SIPA1L3: variants seen among roughly 807,000 people sequenced by gnomAD.
The protein encoded by SIPA1L3 is signal-induced proliferation-associated 1-like protein 3.
A neutral mutation model predicts 150.1 loss-of-function variants in SIPA1L3; 59 were observed. The observed-to-expected ratio is 0.39, with a 90% CI of 0.32 to 0.49. The LOEUF is 0.49. Among genes scored for constraint, SIPA1L3 ranks in the 20% least tolerant of loss-of-function variants. The probability of loss-of-function intolerance (pLI) is 0.86; values close to 1 mark genes in which losing one functional copy is unlikely to be tolerated. For synonymous variants in SIPA1L3, 1,070 were observed against 1,077.6 expected (o/e 0.99, Z 0.14); for missense variants, 2,211 against 2,489.5 (o/e 0.89, Z 2.38).
chr19:38,148,056 A>G (rs1971738350), intron 12 of SIPA1L3, among the ~76,000 whole-genome samples: 1 of 151,316 alleles, frequency 6.6e-6, no homozygotes, highest in South Asian at 2.1e-4. Flanking sequence ...ATAATTAATT[A>G]ATTAAGAGGG....
At chr19:38,052,386 T>C (rs939238525) in intron 2 of SIPA1L3, among the ~76,000 whole-genome samples, 3 of 151,830 alleles carry the variant, frequency 2.0e-5, no homozygotes, top group Admixed American at 1.3e-4. Flanking sequence ...GCGCAAGGAG[T>C]AGGGCACCTT....
At chr19:38,078,734 G>A (rs1434664868) in intron 2 of SIPA1L3, among the ~76,000 whole-genome samples, 1 of 152,198 alleles carries the variant, frequency 6.6e-6, no homozygotes, top group Non-Finnish European at 1.5e-5. Flanking sequence ...CTTGAACCAA[G>A]TGCGTGGCCC....
In SIPA1L3 at chr19:37,992,806, T is replaced by C. The variant is rs1450577301; in HGVS notation, c.-378-36283T>C. 2.0e-5 allele frequency among the ~76,000 whole-genome samples: 3 copies of C among 152,250 alleles called. No homozygotes were observed. The East Asian group carries it at 5.8e-4, about 29-fold the overall frequency. ...TCAGAGGAGAGTGGCCTTTCTGGAC[T>C]GAAGAACATGAGCTAAATGGGGACA... On this transcript the variant is annotated intron_variant, in intron 1 of 21. Coordinates refer to ENST00000222345, the MANE Select transcript of SIPA1L3 (RefSeq NM_015073.3).
intron 6 of SIPA1L3, among the ~76,000 whole-genome samples, chr19:38,105,095 C>T (rs1358624940): frequency 1.3e-5 from 2 of 152,008 alleles, no homozygotes; most frequent in Middle Eastern, 3.4e-3. Flanking sequence ...CAGTGGCTCA[C>T]GCCTGTAATC....
intron 1 of SIPA1L3, among the ~76,000 whole-genome samples, chr19:37,969,208 G>A (rs1455941373): frequency 2.0e-5 from 3 of 151,992 alleles, no homozygotes; most frequent in African/African-American, 4.8e-5. Flanking sequence ...ACTCCAGCCT[G>A]GGCAATAAAG....
intron 2 of SIPA1L3, among the ~76,000 whole-genome samples, chr19:38,030,886 A>G (rs2145721224): frequency 6.6e-6 from 1 of 152,088 alleles, no homozygotes; most frequent in East Asian, 1.9e-4. Flanking sequence ...AGAGACCATA[A>G]CGGTGTGGGA....
In SIPA1L3 at chr19:37,970,513, C is replaced by T. The variant is rs941839461; in HGVS notation, c.-378-58576C>T. 5.3e-5 allele frequency among the ~76,000 whole-genome samples: 8 copies of T among 152,284 alleles called. No homozygotes were observed. The East Asian group carries it at 7.7e-4, about 15-fold the overall frequency. On this transcript the variant is annotated intron_variant, in intron 1 of 21. Coordinates refer to ENST00000222345, the MANE Select transcript of SIPA1L3 (RefSeq NM_015073.3). ...TGCAGTTTGTCAAGGTTCCTGCAGC[C>T]GGAAGCTGTTTTCCAGGCCGCTCTC...
chr19:38,088,688 C>T, intron 3 of SIPA1L3, 33 bp from the exon 4 acceptor site: 1 of 1,606,524 alleles, frequency 6.2e-7, no homozygotes, highest in Non-Finnish European at 8.5e-7. Flanking sequence ...TCCCAGACAG[C>T]TGAGCCTGAA....
At chr19:38,028,179 C>G (rs1968557880) in intron 1 of SIPA1L3, among the ~76,000 whole-genome samples, 1 of 152,160 alleles carries the variant, frequency 6.6e-6, no homozygotes, top group South Asian at 2.1e-4. Context: ...TAAATATAAA[C>G]AAGCATACTA....
chr19:37,952,087 C>T (rs2046769837), intron 1 of SIPA1L3, among the ~76,000 whole-genome samples: 1 of 151,866 alleles, frequency 6.6e-6, no homozygotes, highest in Admixed American at 6.6e-5. Context: ...CTCTGGAGCT[C>T]CCAGGAAAGA....
At chr19:37,981,554 A>T (rs1403571661) in intron 1 of SIPA1L3, among the ~76,000 whole-genome samples, 1 of 152,102 alleles carries the variant, frequency 6.6e-6, no homozygotes, top group Non-Finnish European at 1.5e-5. Flanking sequence ...AATGAAAGTG[A>T]TAATACTTGC....
rs1250170240 is a variant in SIPA1L3, at chr19:38,030,623, A to AATACATATAT, written c.-311+1470_-311+1471insCATATATATA. On this transcript the variant is annotated intron_variant, in intron 2 of 21. Transcript: ENST00000222345. ...ATATTTTATATATATATATGTGGCA[A>AATACATATAT]ATATATATATATATATATATATATA... is the stretch of plus-strand genomic sequence containing the variant. Among the ~76,000 whole-genome samples, 387 of 42,600 alleles carry AATACATATAT rather than the reference A, an allele frequency of 9.1e-3. 28 individuals carry two copies. Among genetic ancestry groups the AATACATATAT allele is most frequent in the South Asian group, 0.023 (30 of 1,298 alleles). 27.9% of individuals were successfully genotyped at this position (42,600 alleles called of 152,430 possible). A position where few individuals can be genotyped will look rare whatever the true frequency, so the allele number is the denominator to read the frequency against.
intron 16 of SIPA1L3, 80 bp downstream of exon 16, chr19:38,182,820 A>C: frequency 9.2e-7 from 1 of 1,084,348 alleles, no homozygotes; most frequent in Non-Finnish European, 1.3e-6. Context: ...GTGATGCCAC[A>C]TGCTGTCATT....
At position 38,110,009 on chromosome 19, in the gene SIPA1L3, C is replaced by T. The variant is rs559903125; in HGVS notation, c.2134-218C>T. 51 of 542,450 alleles carry T rather than the reference C, an allele frequency of 9.4e-5. No individual in the cohort carries two copies. The South Asian group carries it at 1.1e-3, about 11-fold the overall frequency. The allele number at this position is 542,450 out of a possible 1,614,324, so 33.6% of individuals were successfully genotyped here. A position where few individuals can be genotyped will look rare whatever the true frequency, so the allele number is the denominator to read the frequency against. On this transcript the variant is annotated intron_variant, in intron 7 of 21. Coordinates refer to ENST00000222345, the MANE Select transcript of SIPA1L3 (RefSeq NM_015073.3). ...AGAGGGAACAGCGGTGCAGAGGCTT[C>T]GAGGAAGTGTTTCTGGCCATGGTGA...
intron 10 of SIPA1L3, among the ~76,000 whole-genome samples, chr19:38,131,957 T>A (rs1971321694): frequency 6.6e-6 from 1 of 151,866 alleles, no homozygotes; most frequent in African/African-American, 2.4e-5. Context: ...GTGTCAACTA[T>A]CTAGACTGGG....
intron 12 of SIPA1L3, among the ~76,000 whole-genome samples, chr19:38,150,623 C>T (rs1335128271): frequency 1.3e-5 from 2 of 150,476 alleles, no homozygotes; most frequent in Non-Finnish European, 2.9e-5. Flanking sequence ...ACCGCAATCT[C>T]CGCCTCCCAG....
intron 2 of SIPA1L3, among the ~76,000 whole-genome samples, chr19:38,043,865 TA>T (rs1286362325): frequency 6.6e-6 from 1 of 151,948 alleles, no homozygotes; most frequent in African/African-American, 2.4e-5. Context: ...CTTACATGGA[TA>T]GGGGGAGGGT....
chr19:38,065,487 C>A (rs1237749726), intron 2 of SIPA1L3, among the ~76,000 whole-genome samples: 2 of 149,442 alleles, frequency 1.3e-5, no homozygotes, highest in Non-Finnish European at 1.5e-5. Context: ...GCGATCTTGG[C>A]TCACTACAAC....
rs1178978381 is a variant in SIPA1L3, at chr19:38,083,045, A to G, written c.1480A>G (p.Ile494Val). 1 of 1,612,986 alleles carries G rather than the reference A, an allele frequency of 6.2e-7. No homozygotes were observed. Among genetic ancestry groups the G allele is most frequent in the Non-Finnish European group, 8.5e-7 (1 of 1,180,024 alleles). ...GCAGAGTCGGCCCCGGCAGTACAGC[A>G]TCGAGCATGTGGACCTGGGCGCCCG... Reference protein sequence around the residue: ...RTQSRPRQYSIEHVDLGARYY... With the variant: ...RTQSRPRQYSVEHVDLGARYY... Residue 494 changes from isoleucine (I) to valine (V), a missense_variant, in exon 3 of 22, where the codon ATC becomes GTC. Physicochemically the swap from Ile to Val is conservative, Grantham distance 29. This residue lies in a region of SIPA1L3 where 625 missense variants were observed against 804.2 expected (regional missense o/e 0.78). Transcript: ENST00000222345.
Sources: gnomAD v4.1 joint callset for allele counts (sites outside exome capture counted in the v4.1 genomes callset) on GRCh38, gnomAD v4.1.1 for gene constraint, gnomAD v4.1.1 regional missense constraint, MANE v1.5 for transcripts, NCBI Gene and HGNC (gene_info 2026-07-23, HGNC 2026-07-21) for gene names.